Variants in ENTREP2 observed in about 807,000 individuals in gnomAD.
ENTREP2 encodes the protein protein ENTREP2.
chr15:29,452,035 T>A, the ENTREP2 span, among the ~76,000 whole-genome samples: 24 of 152,272 alleles, frequency 1.6e-4, no homozygotes, highest in Admixed American at 1.5e-3. Flanking sequence ...TGCCTTTTTA[T>A]ATTGTTAACT....
the ENTREP2 span, among the ~76,000 whole-genome samples, chr15:29,330,018 T>C: frequency 1.3e-5 from 2 of 152,126 alleles, no homozygotes; most frequent in African/African-American, 4.8e-5. Context: ...TATAGGAAGG[T>C]GGGCAGGTAG....
the ENTREP2 span, chr15:29,613,381 T>G: frequency 2.4e-6 from 1 of 411,374 alleles, no homozygotes. Flanking sequence ...CCTGGATATG[T>G]GCAGAAGGAA....
chr15:29,159,429 T>C, the ENTREP2 span, among the ~76,000 whole-genome samples: 18 of 152,266 alleles, frequency 1.2e-4, no homozygotes, highest in East Asian at 7.7e-4. Context: ...TTCCACAGCA[T>C]AGAAAAGGAC....
chr15:29,349,753 C>G, the ENTREP2 span, among the ~76,000 whole-genome samples: 1 of 152,034 alleles, frequency 6.6e-6, no homozygotes. Flanking sequence ...AAAAAATTAG[C>G]CTGGCGTGGA....
At chr15:29,664,254 A>T in the ENTREP2 span, among the ~76,000 whole-genome samples, 1 of 152,120 alleles carries the variant, frequency 6.6e-6, no homozygotes, top group African/African-American at 2.4e-5. Context: ...TGGTCATTCC[A>T]CACCTTAAAC....
the ENTREP2 span, among the ~76,000 whole-genome samples, chr15:29,463,080 T>A: frequency 6.6e-6 from 1 of 152,008 alleles, no homozygotes; most frequent in Non-Finnish European, 1.5e-5. Context: ...AACATGGACA[T>A]AGGAATGGCG....
the ENTREP2 span, among the ~76,000 whole-genome samples, chr15:29,439,910 G>C: frequency 6.6e-6 from 1 of 152,144 alleles, no homozygotes; most frequent in African/African-American, 2.4e-5. Context: ...CCAGTAGTAA[G>C]TCACATGTTG....
At chr15:29,233,912 A>C in the ENTREP2 span, 1 of 1,574,074 alleles carries the variant, frequency 6.4e-7, no homozygotes. Context: ...AGATGGCTGA[A>C]GAAACTGTTC....
At chr15:29,481,118 A>C in the ENTREP2 span, among the ~76,000 whole-genome samples, 1 of 152,184 alleles carries the variant, frequency 6.6e-6, no homozygotes, top group Non-Finnish European at 1.5e-5. Flanking sequence ...ACCCCCAGTG[A>C]CATCAGACAG....
chr15:29,657,496 T>C, the ENTREP2 span, among the ~76,000 whole-genome samples: 2 of 51,404 alleles, frequency 3.9e-5, no homozygotes, highest in Non-Finnish European at 4.0e-5. Flanking sequence ...GGGGGGGGGG[T>C]GGCCAGCTTT....
the ENTREP2 span, among the ~76,000 whole-genome samples, chr15:29,540,073 A>G: frequency 1.4e-3 from 217 of 152,192 alleles, 1 homozygote; most frequent in African/African-American, 5.1e-3. Flanking sequence ...ATCACAGCCC[A>G]TTGCCTCCCT....
chr15:29,395,715 A>T, the ENTREP2 span, among the ~76,000 whole-genome samples: 4 of 151,030 alleles, frequency 2.6e-5, no homozygotes, highest in African/African-American at 7.3e-5. Flanking sequence ...TTTTTTTCTC[A>T]AGAGATGGGG....
the ENTREP2 span, among the ~76,000 whole-genome samples, chr15:29,254,170 A>T: frequency 6.8e-6 from 1 of 146,668 alleles, no homozygotes; most frequent in African/African-American, 2.5e-5. Flanking sequence ...GCAAAAAAAA[A>T]AAAAAAAAAA....
chr15:29,161,098 T>A, the ENTREP2 span, among the ~76,000 whole-genome samples: 795 of 152,322 alleles, frequency 5.2e-3, 8 homozygotes, highest in African/African-American at 0.018. Flanking sequence ...AGATCTATGT[T>A]GGGAGAGGCA....
At chr15:29,490,131 A>C in the ENTREP2 span, among the ~76,000 whole-genome samples, 1 of 152,196 alleles carries the variant, frequency 6.6e-6, no homozygotes, top group East Asian at 1.9e-4. Flanking sequence ...CACTGACTTC[A>C]AGAATGAAGC....
chr15:29,230,236 T>C, the ENTREP2 span, among the ~76,000 whole-genome samples: 2 of 152,332 alleles, frequency 1.3e-5, no homozygotes, highest in South Asian at 4.1e-4. Context: ...GTTCTTGGCG[T>C]TTCCAATCTT....
At chr15:29,597,545 G>A in the ENTREP2 span, among the ~76,000 whole-genome samples, 1 of 148,908 alleles carries the variant, frequency 6.7e-6, no homozygotes, top group Non-Finnish European at 1.5e-5. Flanking sequence ...TCTAGCCTGG[G>A]CAACAAGAGC....
the ENTREP2 span, among the ~76,000 whole-genome samples, chr15:29,382,730 G>A: frequency 6.6e-6 from 1 of 151,992 alleles, no homozygotes; most frequent in African/African-American, 2.4e-5. Context: ...TCTCCTAGGC[G>A]GCCTCCTGAG....
At chr15:29,645,862 A>G in the ENTREP2 span, among the ~76,000 whole-genome samples, 3 of 152,086 alleles carry the variant, frequency 2.0e-5, no homozygotes, top group Admixed American at 2.0e-4. Context: ...CCTGGCCGTG[A>G]TTACCATATT....
Sources: allele counts gnomAD v4.1 joint callset (sites outside exome capture counted in the v4.1 genomes callset), GRCh38; gene constraint gnomAD v4.1.1; transcripts MANE v1.5; gene names NCBI Gene and HGNC (gene_info 2026-07-23, HGNC 2026-07-21).